Variants in HIVEP1 observed in about 807,000 individuals in gnomAD.
HIVEP1 encodes HIVEP zinc finger 1, also known as zinc finger protein 40.
In HIVEP1, 36 loss-of-function variants were observed where a neutral mutation model predicts 180.0. The observed-to-expected ratio is 0.20, with a 90% confidence interval of 0.15 to 0.26. The LOEUF (loss-of-function observed/expected upper bound fraction) is 0.26, where lower values mean the gene tolerates loss of function less well. HIVEP1 is among the 10% of genes least tolerant of loss of function. The probability of loss-of-function intolerance (pLI) is 1.00; values close to 1 mark genes in which losing one functional copy is unlikely to be tolerated. For missense variants in HIVEP1, 3,143 were observed against 3,268.7 expected (o/e 0.96, Z 0.94); for synonymous variants, 1,239 against 1,239.0 (o/e 1.00, Z 0.00).
intron 3 of HIVEP1, among the ~76,000 whole-genome samples, chr6:12,115,893 C>T (rs971066024): frequency 1.3e-5 from 2 of 151,702 alleles, no homozygotes; most frequent in African/African-American, 4.8e-5. Context: ...GATCACATTG[C>T]ATAAGCTCCA....
intron 2 of HIVEP1, among the ~76,000 whole-genome samples, chr6:12,085,824 A>G (rs1297803835): frequency 6.6e-6 from 1 of 152,200 alleles, no homozygotes; most frequent in Non-Finnish European, 1.5e-5. Flanking sequence ...TGTAATTTCT[A>G]TAAATGATTT....
intron 6 of HIVEP1, 79 bp from the exon 7 acceptor site, chr6:12,135,712 G>A (rs765183131): frequency 4.7e-6 from 4 of 859,502 alleles, no homozygotes; most frequent in South Asian, 1.5e-5. Flanking sequence ...GCTTGAATAG[G>A]AATGAAATTT....
chr6:12,022,049 GA>G (rs748861380), intron 2 of HIVEP1, among the ~76,000 whole-genome samples: 1 of 152,220 alleles, frequency 6.6e-6, no homozygotes, highest in Non-Finnish European at 1.5e-5. Context: ...CCTCGAGTAG[GA>G]AATGCTTCTT....
At chr6:12,141,899 C>G (rs1429873821) in intron 7 of HIVEP1, among the ~76,000 whole-genome samples, 1 of 145,506 alleles carries the variant, frequency 6.9e-6, no homozygotes, top group Non-Finnish European at 1.5e-5. Context: ...CCTTAGAGAC[C>G]TACAAAGAGA....
At chr6:12,086,137 A>G (rs67632693) in intron 2 of HIVEP1, among the ~76,000 whole-genome samples, 29,532 of 152,118 alleles carry the variant, frequency 0.19, 3,142 homozygotes, top group Non-Finnish European at 0.24. Context: ...AGTCTATACT[A>G]TTAGTTACTT....
At chr6:12,101,899 G>A (rs1774133899) in intron 3 of HIVEP1, among the ~76,000 whole-genome samples, 2 of 143,768 alleles carry the variant, frequency 1.4e-5, no homozygotes, top group South Asian at 2.4e-4. Context: ...GAAAGTGAAA[G>A]GATAGGAAAA....
At chr6:12,182,084 A>G in the HIVEP1 span, among the ~76,000 whole-genome samples, 1 of 152,048 alleles carries the variant, frequency 6.6e-6, no homozygotes, top group Non-Finnish European at 1.5e-5. Context: ...AAATTAGACA[A>G]GTTCATACAT....
At chr6:12,207,047 G>A in the HIVEP1 span, among the ~76,000 whole-genome samples, 3 of 152,060 alleles carry the variant, frequency 2.0e-5, no homozygotes, top group African/African-American at 7.2e-5. Flanking sequence ...GGATCCTATG[G>A]AAAAAATGTC....
At chr6:12,130,408 C>T (rs1050656408) in intron 5 of HIVEP1, among the ~76,000 whole-genome samples, 19 of 152,036 alleles carry the variant, frequency 1.2e-4, no homozygotes, top group African/African-American at 3.4e-4. Context: ...CGCAGTGGTG[C>T]GCGCCTGTAG....
In HIVEP1 at chr6:12,042,650, C is replaced by G. The variant is rs898357092; in HGVS notation, c.40+26982C>G. ...TGAATCCGTCAACATGTTTTCTATT[C>G]TAACCTGCAATTATACAAATAGCCC... is the stretch of plus-strand genomic sequence containing the variant. On this transcript the variant is annotated intron_variant, in intron 2 of 8. Coordinates refer to ENST00000379388, the MANE Select transcript of HIVEP1 (RefSeq NM_002114.4). Among the ~76,000 whole-genome samples, 3 of 151,914 alleles carry G rather than the reference C, an allele frequency of 2.0e-5. 1 individual carries two copies. The highest frequency in any genetic ancestry group is 2.0e-4 in the Admixed American group (3 of 15,256).
intron 3 of HIVEP1, among the ~76,000 whole-genome samples, chr6:12,103,834 C>G (rs1282281878): frequency 6.6e-6 from 1 of 152,018 alleles, no homozygotes; most frequent in Non-Finnish European, 1.5e-5. Context: ...ACAATATTCT[C>G]ATAATTTTAA....
chr6:12,161,415 A>ATACC (rs1324938014), intron 7 of HIVEP1, 24 bp from the exon 8 acceptor site: 1 of 1,593,992 alleles, frequency 6.3e-7, no homozygotes, highest in East Asian at 2.2e-5. Context: ...ATTCCATCAC[A>ATACC]TACCTCTTGG....
At chr6:12,057,812 A>T (rs556101862) in intron 2 of HIVEP1, among the ~76,000 whole-genome samples, 5 of 152,330 alleles carry the variant, frequency 3.3e-5, no homozygotes, top group African/African-American at 9.6e-5. Flanking sequence ...GGACAATGGG[A>T]GGGGAGTCAG....
At chr6:12,102,926 G>A (rs1774197927) in intron 3 of HIVEP1, among the ~76,000 whole-genome samples, 1 of 151,978 alleles carries the variant, frequency 6.6e-6, no homozygotes, top group South Asian at 2.1e-4. Context: ...TATTTTAATA[G>A]TGTTCAGTCT....
At position 12,124,272 on chromosome 6, in the gene HIVEP1, G is replaced by A; in HGVS notation, c.4477G>A (p.Ala1493Thr). 6.2e-7 allele frequency: 1 copy of A among 1,614,036 alleles called. No individual in the cohort carries two copies. Among genetic ancestry groups the A allele is most frequent in the Non-Finnish European group, 8.5e-7 (1 of 1,180,026 alleles). The change falls in exon 4 of 9, where the codon GCA becomes ACA. Residue 1493 changes from alanine (A) to threonine (T), a missense_variant. Transcript: ENST00000379388. ...TCAGACTCAGGTTAAGGATCTGCAG[G>A]CAGAAACATCAAACTCCAGCTCTAC... Reference protein sequence around the residue: ...HSQTQVKDLQAETSNSSSTNV... With the variant: ...HSQTQVKDLQTETSNSSSTNV...
intron 2 of HIVEP1, chr6:12,037,611 A>T (rs184555898): frequency 2.6e-6 from 1 of 388,182 alleles, no homozygotes; most frequent in Non-Finnish European, 4.5e-6. Flanking sequence ...AATTTTGTAT[A>T]TGAAATAGAT....
Position 12,120,905 on chromosome 6 carries a change from C to A in HIVEP1, c.1110C>A (p.Pro370=), listed in dbSNP as rs374362134. The A allele has an allele frequency of 1.2e-6, 2 of 1,614,190 alleles. No homozygotes were observed. The highest frequency in any genetic ancestry group is 1.1e-5 in the South Asian group (1 of 91,084). The change falls in exon 4 of 9, where the codon CCC becomes CCA. Residue 370 remains proline (P), a synonymous_variant. Coordinates refer to ENST00000379388, the MANE Select transcript of HIVEP1 (RefSeq NM_002114.4). ...CGGCTAATTCTACACAGTCGCCCCC[C>A]ATGCCAATCTATAATTCAACTCATG... The part of the protein sequence containing the change: ...ISPANSTQSP[P]MPIYNSTHVA...
rs912849353 is a variant in HIVEP1 at position 12,012,428 on chromosome 6, A to G, written c.-242A>G. The G allele has an allele frequency of 2.0e-5, 3 of 148,300 alleles. No individual in the cohort carries two copies. The highest frequency in any genetic ancestry group is 7.4e-5 in the African/African-American group (3 of 40,732). 9.2% of individuals were successfully genotyped at this position (148,300 alleles called of 1,614,324 possible). A position where few individuals can be genotyped will look rare whatever the true frequency, so the allele number is the denominator to read the frequency against. On this transcript the variant is annotated 5_prime_UTR_variant, in exon 1 of 9. Transcript: ENST00000379388. ...GTTATGTTTGTGTTTGGGGTTGTCA[A>G]GTGAAGGAGGGATCCCAGGCGCCGC...
the HIVEP1 span, among the ~76,000 whole-genome samples, chr6:12,181,316 C>A: frequency 2.6e-5 from 4 of 151,880 alleles, no homozygotes; most frequent in African/African-American, 4.8e-5. Context: ...GCTGAGATTG[C>A]GCCACTGCAC....
Sources: allele counts gnomAD v4.1 joint callset (sites outside exome capture counted in the v4.1 genomes callset), GRCh38; gene constraint gnomAD v4.1.1; transcripts MANE v1.5; gene names NCBI Gene and HGNC (gene_info 2026-07-23, HGNC 2026-07-21).